The following TRIM9 variants were observed in gnomAD, a reference collection of about 807,000 sequenced individuals.
TRIM9 encodes E3 ubiquitin-protein ligase TRIM9.
Under a neutral mutation model 78.3 loss-of-function variants are expected in TRIM9, and 26 were observed. The observed-to-expected ratio is 0.33, with a 90% confidence interval of 0.24 to 0.46. TRIM9 has a LOEUF of 0.46. Ranked by LOEUF, TRIM9 falls within the 20% of genes least tolerant of loss-of-function variation. TRIM9 has a pLI of 1.00. For missense variants in TRIM9, 787 were observed against 1,036.4 expected (o/e 0.76, Z 3.30); for synonymous variants, 398 against 416.5 (o/e 0.96, Z 0.54).
chr14:51,073,789 A>C (rs77453726), intron 1 of TRIM9, among the ~76,000 whole-genome samples: 13,883 of 152,234 alleles, frequency 0.091, 856 homozygotes, highest in African/African-American at 0.18. Context: ...TTCACTAAAA[A>C]TTTCTGTAAC....
chr14:51,094,199 G>T lies in TRIM9; in HGVS notation c.741C>A (p.Pro247=). 6.2e-7 allele frequency: 1 copy of T among 1,614,234 alleles called. No homozygotes were observed. The highest frequency in any genetic ancestry group is 8.5e-7 in the Non-Finnish European group (1 of 1,180,042). ...HSMYCVQCKM[P]VCYQCLEEGK... Reference sequence around the variant, plus strand: ...CCTCCTCCAAGCACTGGTAGCACACGGGCATCTTGCATTGCACGCAGTACA... The same window carrying T: ...CCTCCTCCAAGCACTGGTAGCACACTGGCATCTTGCATTGCACGCAGTACA... Residue 247 remains proline, a synonymous_variant, in exon 1 of 13, where the codon CCC becomes CCA. Transcript: ENST00000684578.
intron 1 of TRIM9, among the ~76,000 whole-genome samples, chr14:51,056,222 C>T (rs982946967): frequency 1.3e-5 from 2 of 152,108 alleles, no homozygotes; most frequent in African/African-American, 4.8e-5. Flanking sequence ...TGTAACCAGA[C>T]CAGAAATTGG....
intron 1 of TRIM9, among the ~76,000 whole-genome samples, chr14:51,086,803 G>A (rs1464198761): frequency 1.3e-5 from 2 of 151,940 alleles, no homozygotes; most frequent in Non-Finnish European, 2.9e-5. Flanking sequence ...AGACAATCAG[G>A]TACAAGCAGG....
chr14:51,094,593 G>A lies in TRIM9; in HGVS notation c.347C>T (p.Ala116Val). ...GGAGTTGCGGGGCACCGGGGCCAGG[G>A]CCGGTGACAAGTGGGTGGCCGGTGG... ...MPPPATHLSP[A>V]LAPVPRNSCI... Residue 116 changes from alanine (A) to valine (V), a missense_variant, in exon 1 of 13, where the codon GCC becomes GTC. Ala to Val is a moderately conservative substitution (Grantham distance 64, BLOSUM62 0). Transcript: ENST00000684578. 6.2e-7 allele frequency: 1 copy of A among 1,610,980 alleles called. No individual in the cohort carries two copies. Among genetic ancestry groups the A allele is most frequent in the Non-Finnish European group, 8.5e-7 (1 of 1,178,644 alleles).
At chr14:51,045,162 C>G (rs1405768395) in intron 1 of TRIM9, among the ~76,000 whole-genome samples, 1 of 152,200 alleles carries the variant, frequency 6.6e-6, no homozygotes, top group African/African-American at 2.4e-5. Context: ...AGCTGGTGAG[C>G]TGGCGTCTGT....
chr14:51,037,521 G>A (rs1317444819), intron 1 of TRIM9, among the ~76,000 whole-genome samples: 1 of 151,998 alleles, frequency 6.6e-6, no homozygotes, highest in African/African-American at 2.4e-5. Flanking sequence ...GAAAGAGGGG[G>A]CTTTTTTTGC....
At chr14:51,018,664 G>A (rs1261270785) in intron 3 of TRIM9, among the ~76,000 whole-genome samples, 2 of 152,094 alleles carry the variant, frequency 1.3e-5, no homozygotes, top group African/African-American at 2.4e-5. Flanking sequence ...ATGGGCACAC[G>A]GAGGCCCTCA....
At chr14:51,000,955 C>A in intron 5 of TRIM9, 115 bp from the exon 6 acceptor site, 1 of 1,215,150 alleles carries the variant, frequency 8.2e-7, no homozygotes, top group Non-Finnish European at 1.2e-6. Flanking sequence ...GAATGGGGTG[C>A]ACAGGGGAAC....
At chr14:51,041,725 G>C (rs934204842) in intron 1 of TRIM9, among the ~76,000 whole-genome samples, 19 of 152,156 alleles carry the variant, frequency 1.2e-4, no homozygotes, top group African/African-American at 4.6e-4. Flanking sequence ...TTCTTCTTCT[G>C]AGTAATCTGT....
intron 5 of TRIM9, 72 bp from the exon 6 acceptor site, chr14:51,000,912 T>C (rs983180375): frequency 1.3e-6 from 2 of 1,571,954 alleles, no homozygotes; most frequent in African/African-American, 2.7e-5. Flanking sequence ...ATGACAAGCA[T>C]CCCCCTGATA....
chr14:51,079,150 T>C (rs571039970), intron 1 of TRIM9, among the ~76,000 whole-genome samples: 16 of 152,348 alleles, frequency 1.1e-4, no homozygotes, highest in Middle Eastern at 3.4e-3. Flanking sequence ...CTTCATAATA[T>C]GCAAATTAAA....
At chr14:51,051,693 G>A (rs1029004286) in intron 1 of TRIM9, among the ~76,000 whole-genome samples, 4 of 152,136 alleles carry the variant, frequency 2.6e-5, no homozygotes, top group East Asian at 1.9e-4. Flanking sequence ...TAGGCCGGGC[G>A]CAGTGGCTCA....
At chr14:51,022,656 A>G (rs1252870295) in intron 3 of TRIM9, among the ~76,000 whole-genome samples, 179 bp downstream of exon 3, 2 of 152,184 alleles carry the variant, frequency 1.3e-5, no homozygotes, top group Non-Finnish European at 2.9e-5. Context: ...TGGGTAAATG[A>G]AGGAGCAGGT....
At chr14:50,998,334 T>G in intron 6 of TRIM9, 146 bp from the exon 7 acceptor site, 1 of 711,046 alleles carries the variant, frequency 1.4e-6, no homozygotes, top group Non-Finnish European at 2.3e-6. Context: ...GCCATTTAAT[T>G]TACCTTTTTA....
chr14:50,979,086 T>C, intron 12 of TRIM9: 1 of 1,335,156 alleles, frequency 7.5e-7, no homozygotes, highest in East Asian at 2.6e-5. Context: ...TTAAAGGCTT[T>C]CGTTTCTATT....
In TRIM9 at chr14:51,055,376, A is replaced by G. The variant is rs533698187; in HGVS notation, c.823-30016T>C. Among the ~76,000 whole-genome samples, 6 of 152,354 alleles carry G rather than the reference A, an allele frequency of 3.9e-5. No homozygotes were observed. The East Asian group carries it at 1.2e-3, about 29-fold the overall frequency. On this transcript the variant is annotated intron_variant, in intron 1 of 12. Coordinates refer to ENST00000684578, the MANE Select transcript of TRIM9 (RefSeq NM_001387360.1). ...GTAGAATAATGGCACCCCAAACATC[A>G]TGTCCACATCCTAATCCCTGGAACC... is the stretch of plus-strand genomic sequence containing the variant.
intron 7 of TRIM9, among the ~76,000 whole-genome samples, chr14:50,993,743 T>C (rs2053839160): frequency 6.6e-6 from 1 of 152,146 alleles, no homozygotes; most frequent in African/African-American, 2.4e-5. Flanking sequence ...CTTTGGATAG[T>C]TTTCCCTCTC....
At chr14:51,002,250 T>C (rs1011279831) in intron 5 of TRIM9, among the ~76,000 whole-genome samples, 1 of 151,704 alleles carries the variant, frequency 6.6e-6, no homozygotes, top group Non-Finnish European at 1.5e-5. Flanking sequence ...GCCTCCCGAG[T>C]AGCTGGGACT....
chr14:51,034,718 T>G (rs1005492438), intron 1 of TRIM9, among the ~76,000 whole-genome samples: 1 of 152,220 alleles, frequency 6.6e-6, no homozygotes, highest in Admixed American at 6.5e-5. Flanking sequence ...AAATAAATTA[T>G]AGAGACCTAT....
Sources: gnomAD v4.1 joint callset for allele counts (sites outside exome capture counted in the v4.1 genomes callset) on GRCh38, gnomAD v4.1.1 for gene constraint, MANE v1.5 for transcripts, NCBI Gene and HGNC (gene_info 2026-07-23, HGNC 2026-07-21) for gene names.